DLGAP2: variants seen among roughly 807,000 people sequenced by gnomAD.
DLGAP2 encodes DLG associated protein 2.
In DLGAP2, 26 loss-of-function variants were observed where a neutral mutation model predicts 100.3. The observed-to-expected ratio is 0.26, with a 90% CI of 0.19 to 0.36. DLGAP2 has a LOEUF of 0.36. DLGAP2 is among the 10% of genes least tolerant of loss of function. DLGAP2 has a pLI of 1.00. For missense variants in DLGAP2, 1,858 were observed against 1,453.2 expected, an observed-to-expected ratio of 1.28 and a Z score of -4.53; for synonymous variants, 886 against 630.1, an observed-to-expected ratio of 1.41 and a Z score of -6.08.
intron 4 of DLGAP2, among the ~76,000 whole-genome samples, chr8:1,502,954 G>A (rs1799774320): frequency 6.6e-6 from 1 of 152,116 alleles, no homozygotes; most frequent in Non-Finnish European, 1.5e-5. Flanking sequence ...AGGGGGCACA[G>A]AACTGAAACA....
intron 2 of DLGAP2, among the ~76,000 whole-genome samples, chr8:1,185,873 C>A (rs72507631): frequency 6.6e-6 from 1 of 152,132 alleles, no homozygotes; most frequent in Non-Finnish European, 1.5e-5. Context: ...GCCCAACTTG[C>A]CCCACAGAGA....
intron 2 of DLGAP2, among the ~76,000 whole-genome samples, chr8:1,181,215 G>A (rs976883063): frequency 4.7e-5 from 7 of 149,068 alleles, no homozygotes; most frequent in African/African-American, 1.2e-4. Context: ...ACTTACTGTC[G>A]AGTGTGGGTG....
intron 3 of DLGAP2, among the ~76,000 whole-genome samples, chr8:1,427,559 G>T (rs910398687): frequency 6.6e-6 from 1 of 152,304 alleles, no homozygotes; most frequent in Non-Finnish European, 1.5e-5. Flanking sequence ...ATCTTGAATT[G>T]TAACTCCCAC....
At chr8:1,603,729 G>C (rs982228809) in intron 6 of DLGAP2, among the ~76,000 whole-genome samples, 1 of 152,154 alleles carries the variant, frequency 6.6e-6, no homozygotes, top group Non-Finnish European at 1.5e-5. Context: ...GCTCATAGTA[G>C]TTGGAACAGT....
At chr8:1,421,084 C>G (rs1044827716) in intron 3 of DLGAP2, among the ~76,000 whole-genome samples, 2 of 152,202 alleles carry the variant, frequency 1.3e-5, no homozygotes, top group African/African-American at 4.8e-5. Context: ...ATCTCTCCAA[C>G]AAGTCACTAG....
chr8:1,362,036 T>C (rs1444619149), intron 3 of DLGAP2, among the ~76,000 whole-genome samples: 1 of 151,978 alleles, frequency 6.6e-6, no homozygotes, highest in Admixed American at 6.6e-5. Flanking sequence ...GCAAGTTCGG[T>C]GTCTGGGGTT....
intron 1 of DLGAP2, among the ~76,000 whole-genome samples, chr8:756,880 A>G (rs1820935021): frequency 6.6e-6 from 1 of 151,928 alleles, no homozygotes. Flanking sequence ...TTATCATGTC[A>G]CTTCTCTGCA....
intron 4 of DLGAP2, among the ~76,000 whole-genome samples, chr8:1,513,419 G>C (rs1220034102): frequency 6.6e-6 from 1 of 152,220 alleles, no homozygotes; most frequent in Non-Finnish European, 1.5e-5. Flanking sequence ...CCAGCCCCAC[G>C]GAGGCTCGGT....
intron 3 of DLGAP2, among the ~76,000 whole-genome samples, chr8:1,358,817 G>A (rs768287106): frequency 3.5e-4 from 53 of 151,046 alleles, no homozygotes; most frequent in Non-Finnish European, 7.1e-4. Flanking sequence ...ATCAGGCCAC[G>A]TTTGTCATCA....
At chr8:1,376,706 CG>C (rs1802398138) in intron 3 of DLGAP2, among the ~76,000 whole-genome samples, 1 of 123,058 alleles carries the variant, frequency 8.1e-6, no homozygotes, top group East Asian at 4.2e-4. Context: ...ACAGGGCTAC[CG>C]AGACCCTCAA....
chr8:873,035 G>T (rs1360626183), intron 1 of DLGAP2, among the ~76,000 whole-genome samples: 4 of 152,166 alleles, frequency 2.6e-5, no homozygotes, highest in Admixed American at 2.6e-4. Flanking sequence ...CTATGTGCAT[G>T]TATGCATGTG....
At chr8:1,441,408 G>A (rs1350228033) in intron 3 of DLGAP2, among the ~76,000 whole-genome samples, 2 of 152,102 alleles carry the variant, frequency 1.3e-5, no homozygotes, top group African/African-American at 4.8e-5. Context: ...AGTAGAACTT[G>A]GCCGGGCATG....
At chr8:875,830 A>G (rs1303367232) in intron 1 of DLGAP2, among the ~76,000 whole-genome samples, 1 of 152,098 alleles carries the variant, frequency 6.6e-6, no homozygotes, top group Non-Finnish European at 1.5e-5. Context: ...AGTTTCCCAT[A>G]TATGTTTTAG....
intron 2 of DLGAP2, among the ~76,000 whole-genome samples, chr8:1,193,323 C>T (rs1430906866): frequency 6.6e-6 from 1 of 152,246 alleles, no homozygotes; most frequent in Non-Finnish European, 1.5e-5. Context: ...TCCACATCCT[C>T]TCCAGCACCT....
chr8:1,383,090 G>T (rs1020331682), intron 3 of DLGAP2, among the ~76,000 whole-genome samples: 1 of 152,222 alleles, frequency 6.6e-6, no homozygotes, highest in African/African-American at 2.4e-5. Context: ...GCATCGCCAC[G>T]TGGGCAGTGC....
intron 2 of DLGAP2, among the ~76,000 whole-genome samples, chr8:1,183,613 C>T (rs7841138): frequency 0.12 from 18,078 of 152,096 alleles, 2,121 homozygotes; most frequent in African/African-American, 0.3. Flanking sequence ...CGGAGGTTTG[C>T]GAGGGAGGCA....
At chr8:1,377,990 A>T (rs1002380581) in intron 3 of DLGAP2, 2 of 152,606 alleles carry the variant, frequency 1.3e-5, no homozygotes, top group Non-Finnish European at 1.5e-5. Flanking sequence ...GCTGCCGTAC[A>T]CCCTCAGGCT....
intron 5 of DLGAP2, among the ~76,000 whole-genome samples, chr8:1,562,629 TG>T (rs567241650): frequency 5.6e-5 from 3 of 53,240 alleles, no homozygotes; most frequent in Non-Finnish European, 7.1e-5. Flanking sequence ...TGTGTGGTGT[TG>T]GGGTGTCCGC....
At chr8:1,173,479 C>G (rs1797177133) in intron 2 of DLGAP2, among the ~76,000 whole-genome samples, 1 of 152,194 alleles carries the variant, frequency 6.6e-6, no homozygotes, top group Non-Finnish European at 1.5e-5. Context: ...GTGCCCTGCC[C>G]CCAGAGGTGT....
Sources: allele counts gnomAD v4.1 joint callset (sites outside exome capture counted in the v4.1 genomes callset), GRCh38; gene constraint gnomAD v4.1.1; transcripts MANE v1.5; gene names NCBI Gene and HGNC (gene_info 2026-07-23, HGNC 2026-07-21).